The following EFCAB7 variants were observed in gnomAD, a reference collection of about 807,000 sequenced individuals.
EFCAB7 encodes the protein EF-hand calcium binding domain 7.
EFCAB7 carries 66 observed loss-of-function variants against 77.1 expected under a neutral mutation model. That is an observed-to-expected ratio of 0.86 (90% CI 0.70 to 1.05). The LOEUF is 1.05. Ranked by LOEUF, EFCAB7 falls within the 50% of genes least tolerant of loss-of-function variation. EFCAB7 has a pLI of 0.00. For missense variants in EFCAB7, 638 were observed against 730.5 expected (o/e 0.87, Z 1.46); for synonymous variants, 225 against 243.3 (o/e 0.92, Z 0.70).
At chr1:63,552,339 C>G (rs1464335952) in intron 8 of EFCAB7, among the ~76,000 whole-genome samples, 1 of 152,096 alleles carries the variant, frequency 6.6e-6, no homozygotes, top group African/African-American at 2.4e-5. Context: ...TTTCTAAATG[C>G]CCTGATGCCT....
chr1:63,525,438 T>A, intron 1 of EFCAB7, 134 bp from the exon 2 acceptor site: 1 of 629,834 alleles, frequency 1.6e-6, no homozygotes, highest in Non-Finnish European at 2.5e-6. Flanking sequence ...AATATCTTGA[T>A]CTTTTCATAT....
chr1:63,534,620 T>C (rs1270569530), intron 6 of EFCAB7, among the ~76,000 whole-genome samples: 1 of 152,146 alleles, frequency 6.6e-6, no homozygotes, highest in African/African-American at 2.4e-5. Context: ...ATATTGATCT[T>C]CTTTCTTTGT....
chr1:63,563,816 C>T (rs1647139091), intron 11 of EFCAB7, among the ~76,000 whole-genome samples: 1 of 152,048 alleles, frequency 6.6e-6, no homozygotes, highest in Admixed American at 6.5e-5. Flanking sequence ...TTACTGATTA[C>T]ACATTCCCTG....
In EFCAB7 at chr1:63,535,225, T is replaced by TGTCTCTG. The variant is rs1007964488; in HGVS notation, c.804+1010_804+1016dup. Among the ~76,000 whole-genome samples the TGTCTCTG allele has an allele frequency of 2.7e-4, 41 of 152,094 alleles. 1 individual carries two copies. The highest frequency in any genetic ancestry group is 1.3e-4 in the Admixed American group (2 of 15,280). On this transcript the variant is annotated intron_variant, in intron 6 of 13. Transcript: ENST00000371088. ...ATTATGTTAAGTTATAGTAAGACTT[T>TGTCTCTG]GTCTCTGTGTCATTAGTTGGGCTCA...
At chr1:63,553,953 G>C (rs1646996765) in intron 8 of EFCAB7, among the ~76,000 whole-genome samples, 1 of 152,110 alleles carries the variant, frequency 6.6e-6, no homozygotes, top group South Asian at 2.1e-4. Context: ...TCCTGCCTTA[G>C]CATCTCAAGT....
chr1:63,544,344 T>C (rs1167698630), intron 6 of EFCAB7, among the ~76,000 whole-genome samples: 1 of 152,194 alleles, frequency 6.6e-6, no homozygotes, highest in Admixed American at 6.5e-5. Flanking sequence ...GACCAAGAAA[T>C]GGTAAAGCCA....
the EFCAB7 span, among the ~76,000 whole-genome samples, chr1:63,583,765 A>G: frequency 6.6e-6 from 1 of 152,172 alleles, no homozygotes; most frequent in Non-Finnish European, 1.5e-5. Flanking sequence ...ACAAAAGGAC[A>G]TCATAAAAGT....
At chr1:63,583,122 G>T in the EFCAB7 span, among the ~76,000 whole-genome samples, 1 of 152,144 alleles carries the variant, frequency 6.6e-6, no homozygotes, top group Non-Finnish European at 1.5e-5. Flanking sequence ...GCAGACTAAT[G>T]TGCCCTATTC....
chr1:63,534,568 A>G (rs1646740989), intron 6 of EFCAB7, among the ~76,000 whole-genome samples: 1 of 152,148 alleles, frequency 6.6e-6, no homozygotes, highest in African/African-American at 2.4e-5. Flanking sequence ...TGAGAGAATG[A>G]CAACAAAGTC....
chr1:63,570,883 AAAG>A, intron 12 of EFCAB7, 135 bp from the exon 13 acceptor site: 1 of 467,412 alleles, frequency 2.1e-6, no homozygotes, highest in Non-Finnish European at 3.7e-6. Context: ...AACAAAGTTG[AAAG>A]AAGTAGCCAA....
chr1:63,556,920 C>T (rs968590414), intron 9 of EFCAB7, among the ~76,000 whole-genome samples, 194 bp from the exon 10 acceptor site: 2 of 151,006 alleles, frequency 1.3e-5, no homozygotes, highest in African/African-American at 4.9e-5. Context: ...CGCCTATAGT[C>T]CCAGCTACTC....
In EFCAB7 at chr1:63,572,430, T is replaced by G; in HGVS notation, c.1816-12T>G. The G allele has an allele frequency of 6.4e-7, 1 of 1,573,650 alleles. No homozygotes were observed. The highest frequency in any genetic ancestry group is 1.2e-5 in the South Asian group (1 of 83,244). ...TAAAAAGAGAGTAAAAGCTTTCTAT[T>G]TTTATGTGCAGGTTTGTCAACATGT... On this transcript the variant is annotated splice_polypyrimidine_tract_variant and intron_variant, in intron 13 of 13. Coordinates refer to ENST00000371088, the MANE Select transcript of EFCAB7 (RefSeq NM_032437.4).
chr1:63,573,118 T>C (rs1202907240), downstream of EFCAB7, among the ~76,000 whole-genome samples: 1 of 152,038 alleles, frequency 6.6e-6, no homozygotes, highest in Non-Finnish European at 1.5e-5. Context: ...CTTCTTATAT[T>C]AATAAGAAAA....
chr1:63,556,100 A>T (rs1041317943), intron 9 of EFCAB7, among the ~76,000 whole-genome samples: 1 of 152,140 alleles, frequency 6.6e-6, no homozygotes, highest in African/African-American at 2.4e-5. Flanking sequence ...TGGTTATAGC[A>T]GCTGGAAGTA....
In EFCAB7 at chr1:63,533,574, A is replaced by T. The variant is rs1383733671; in HGVS notation, c.607A>T (p.Arg203Trp). 5.0e-6 allele frequency: 8 copies of T among 1,611,842 alleles called. No individual in the cohort carries two copies. The Admixed American group carries it at 6.7e-5, about 14-fold the overall frequency. Residue 203 changes from arginine to tryptophan, a missense_variant, in exon 5 of 14, where the codon AGG (arginine) becomes TGG (tryptophan). By Grantham distance (101) the Arg-to-Trp change is moderately radical. Coordinates refer to ENST00000371088, the MANE Select transcript of EFCAB7 (RefSeq NM_032437.4). ...AAACCACATCGAAGGGTCCCCTGAA[A>T]GGGACCCATCACCAGTACCAAAACC... Reference protein sequence around the residue: ...FGNHIEGSPERDPSPVPKPSP... With the variant: ...FGNHIEGSPEWDPSPVPKPSP...
At position 63,555,455 on chromosome 1, in the gene EFCAB7, A is replaced by G; in HGVS notation, c.1154A>G (p.Asp385Gly). ...AGGAAAAAAATAAAACCAGTAACAG[A>G]TGAAGCCCAACTTGTATATAGAGAT... ...RLRKKIKPVT[D>G]EAQLVYRDET... The change falls in exon 9 of 14, where the codon GAT (aspartate) becomes GGT (glycine). Residue 385 changes from aspartate to glycine, a missense_variant. By Grantham distance (94) the Asp-to-Gly change is moderately conservative. Coordinates refer to ENST00000371088, the MANE Select transcript of EFCAB7 (RefSeq NM_032437.4). The G allele has an allele frequency of 5.0e-6, 8 of 1,614,070 alleles. No homozygotes were observed. Among genetic ancestry groups the G allele is most frequent in the Non-Finnish European group, 6.8e-6 (8 of 1,179,958 alleles).
At chr1:63,561,919 AT>A in intron 11 of EFCAB7, 62 bp downstream of exon 11, 1 of 1,276,532 alleles carries the variant, frequency 7.8e-7, no homozygotes, top group Non-Finnish European at 1.0e-6. Flanking sequence ...CTTTATGAAC[AT>A]TTTCCTGACA....
At chr1:63,567,508 G>A (rs1226235617) in intron 11 of EFCAB7, among the ~76,000 whole-genome samples, 1 of 152,084 alleles carries the variant, frequency 6.6e-6, no homozygotes, top group African/African-American at 2.4e-5. Context: ...GGCTGAAGTA[G>A]AGAACAGAGA....
At position 63,533,536 on chromosome 1, in the gene EFCAB7, G is replaced by A. The variant is rs372824134; in HGVS notation, c.569G>A (p.Arg190His). Residue 190 changes from arginine to histidine, a missense_variant, in exon 5 of 14, where the codon CGT becomes CAT. Transcript: ENST00000371088. ...EKLEVDSKLMRHQFGNHIEGS... is the reference protein window; with the variant it reads ...EKLEVDSKLMHHQFGNHIEGS... ...CTAGAGGTTGACAGTAAATTGATGC[G>A]TCACCAGTTTGGAAACCACATCGAA... 1.6e-5 allele frequency: 26 copies of A among 1,612,922 alleles called. No homozygotes were observed. The highest frequency in any genetic ancestry group is 4.4e-5 in the South Asian group (4 of 90,954).
Sources: gnomAD v4.1 joint callset for allele counts (sites outside exome capture counted in the v4.1 genomes callset) on GRCh38, gnomAD v4.1.1 for gene constraint, MANE v1.5 for transcripts, NCBI Gene and HGNC (gene_info 2026-07-23, HGNC 2026-07-21) for gene names.